Variants in SLC6A2 observed in about 807,000 individuals in gnomAD.
The protein encoded by SLC6A2 is solute carrier family 6 member 2, also known as sodium-dependent noradrenaline transporter.
In SLC6A2, 26 loss-of-function variants were observed where a neutral mutation model predicts 71.7. The ratio of observed to expected loss-of-function variants is 0.36; its 90% confidence interval spans 0.27 to 0.50. SLC6A2 has a LOEUF of 0.50. SLC6A2 is among the 20% of genes least tolerant of loss of function. The pLI is 0.96. For missense variants in SLC6A2, 581 were observed against 803.9 expected (o/e 0.72, Z 3.35); for synonymous variants, 363 against 337.9 (o/e 1.07, Z -0.82).
intron 10 of SLC6A2, 68 bp from the exon 11 acceptor site, chr16:55,698,401 C>T: frequency 1.8e-6 from 2 of 1,122,014 alleles, no homozygotes; most frequent in South Asian, 1.2e-5. Flanking sequence ...TAAGAGTTGA[C>T]AGACACAACA....
Position 55,669,559 on chromosome 16 carries a change from C to T in SLC6A2, c.275-6C>T. ...TCAGGTCACACTCTGCCCCTGTGTC[C>T]TCCAGGTGCCTTCTTGATCCCGTAC... is the stretch of plus-strand genomic sequence containing the variant. On this transcript the variant is annotated splice_region_variant and splice_polypyrimidine_tract_variant and intron_variant, in intron 2 of 14. Transcript: ENST00000568943. 1 of 1,613,982 alleles carries T rather than the reference C, an allele frequency of 6.2e-7. No homozygotes were observed. Among genetic ancestry groups the T allele is most frequent in the Non-Finnish European group, 8.5e-7 (1 of 1,179,910 alleles).
Position 55,698,041 on chromosome 16 carries a change from GCTC to G in SLC6A2, c.1389+17_1389+19del, listed in dbSNP as rs1471614249. On this transcript the variant is annotated intron_variant, in intron 10 of 14. Transcript: ENST00000568943. ...CATAACCAAGGTGAGTAGGGGCTGGGCTCTGGGTCACCTGGGGGCCTCTGAGGC... is the reference window on the plus strand; with the variant it reads ...CATAACCAAGGTGAGTAGGGGCTGGGTGGGTCACCTGGGGGCCTCTGAGGC... 6 of 1,613,976 alleles carry G rather than the reference GCTC, an allele frequency of 3.7e-6. No homozygotes were observed. The highest frequency in any genetic ancestry group is 5.1e-6 in the Non-Finnish European group (6 of 1,179,848).
intron 4 of SLC6A2, among the ~76,000 whole-genome samples, chr16:55,672,603 T>C (rs148030190): frequency 2.0e-5 from 3 of 152,128 alleles, no homozygotes; most frequent in African/African-American, 7.2e-5. Context: ...ACTGATGATG[T>C]CAGAGAAGGG....
intron 2 of SLC6A2, among the ~76,000 whole-genome samples, chr16:55,663,018 A>G (rs1964651655): frequency 6.6e-6 from 1 of 152,192 alleles, no homozygotes; most frequent in Non-Finnish European, 1.5e-5. Flanking sequence ...AGGCATTCCC[A>G]CAAGAATGCC....
intron 4 of SLC6A2, 113 bp from the exon 5 acceptor site, chr16:55,685,029 TG>T: frequency 9.8e-7 from 1 of 1,021,178 alleles, no homozygotes; most frequent in Non-Finnish European, 1.5e-6. Flanking sequence ...TAGGGGAGAG[TG>T]GCCAGGTCCT....
intron 2 of SLC6A2, among the ~76,000 whole-genome samples, chr16:55,661,438 T>C (rs888056788): frequency 2.6e-5 from 4 of 152,202 alleles, no homozygotes; most frequent in Non-Finnish European, 4.4e-5. Context: ...CAGGGTGAGA[T>C]GGCATCAGAG....
intron 9 of SLC6A2, 51 bp downstream of exon 9, chr16:55,696,388 C>T: frequency 9.2e-7 from 1 of 1,092,496 alleles, no homozygotes. Context: ...GGGCCTGACC[C>T]CCTTCCCCAA....
chr16:55,678,789 C>T (rs1177101945), intron 4 of SLC6A2, among the ~76,000 whole-genome samples: 4 of 152,166 alleles, frequency 2.6e-5, no homozygotes, highest in Non-Finnish European at 5.9e-5. Context: ...GTACACTTAA[C>T]GATGATTCAT....
intron 2 of SLC6A2, among the ~76,000 whole-genome samples, chr16:55,668,521 G>T (rs1263410978): frequency 6.6e-6 from 1 of 152,186 alleles, no homozygotes; most frequent in East Asian, 1.9e-4. Context: ...GGTAACAGGA[G>T]TTTGGATCTG....
intron 9 of SLC6A2, 60 bp from the exon 10 acceptor site, chr16:55,697,837 T>G: frequency 6.2e-7 from 1 of 1,603,408 alleles, no homozygotes; most frequent in South Asian, 1.1e-5. Context: ...CCCTGGGGCC[T>G]GAGACTGAGG....
chr16:55,656,980 G>T lies in SLC6A2; in HGVS notation c.274+12G>T. On this transcript the variant is annotated intron_variant, in intron 2 of 14. Transcript: ENST00000568943. The surrounding 1 kb of genome is among the most constrained non-coding windows in gnomAD (Gnocchi z 4.5). ...CAAGAACGGCGGCGGTGAGCGTGGG[G>T]TCGGGCTGGGAATTTGAATCTGGGA... The T allele has an allele frequency of 6.2e-6, 10 of 1,612,264 alleles. No homozygotes were observed. Among genetic ancestry groups the T allele is most frequent in the Non-Finnish European group, 8.5e-6 (10 of 1,179,192 alleles).
chr16:55,685,242 G>A lies in SLC6A2; in HGVS notation c.744G>A (p.Leu248=). The change falls in exon 5 of 15, where the codon TTG becomes TTA. Residue 248 remains leucine (L), a synonymous_variant. Coordinates refer to ENST00000568943, the MANE Select transcript of SLC6A2 (RefSeq NM_001172501.3). ...GTCTGATGGTCGTCGTCATCGTCTTGTATTTTAGCCTCTGGAAAGGGGTGA... is the reference window on the plus strand; with the variant it reads ...GTCTGATGGTCGTCGTCATCGTCTTATATTTTAGCCTCTGGAAAGGGGTGA... The part of the protein sequence containing the change: ...LLCLMVVVIV[L]YFSLWKGVKT... 1 of 1,614,180 alleles carries A rather than the reference G, an allele frequency of 6.2e-7. No individual in the cohort carries two copies. The highest frequency in any genetic ancestry group is 1.1e-5 in the South Asian group (1 of 91,080).
intron 10 of SLC6A2, 101 bp from the exon 11 acceptor site, chr16:55,698,368 G>C (rs1444065955): frequency 3.5e-6 from 3 of 863,846 alleles, no homozygotes; most frequent in African/African-American, 1.7e-5. Context: ...ATAGAGCTCC[G>C]AGCAAGTGGG....
At chr16:55,697,315 G>A (rs1221967166) in intron 9 of SLC6A2, among the ~76,000 whole-genome samples, 2 of 152,144 alleles carry the variant, frequency 1.3e-5, no homozygotes, top group South Asian at 2.1e-4. Flanking sequence ...GAGGAGAGTG[G>A]TAGCTTGCAT....
chr16:55,670,439 A>G (rs190915946), intron 3 of SLC6A2, among the ~76,000 whole-genome samples: 30 of 152,320 alleles, frequency 2.0e-4, no homozygotes, highest in Admixed American at 1.9e-3. Flanking sequence ...ATTGTCAGAA[A>G]TTCAACTCAA....
intron 2 of SLC6A2, among the ~76,000 whole-genome samples, chr16:55,661,328 C>A (rs763984976): frequency 6.6e-6 from 1 of 152,170 alleles, no homozygotes; most frequent in Non-Finnish European, 1.5e-5. Context: ...CTGAGTCTAA[C>A]TTTTGCTAGA....
At chr16:55,693,116 G>A (rs1042753910) in intron 6 of SLC6A2, among the ~76,000 whole-genome samples, 6 of 152,232 alleles carry the variant, frequency 3.9e-5, no homozygotes, top group Non-Finnish European at 7.3e-5. Context: ...GCTGGGCGCG[G>A]TGGCTCACGC....
At chr16:55,692,591 T>C (rs1965670062) in intron 6 of SLC6A2, among the ~76,000 whole-genome samples, 1 of 152,206 alleles carries the variant, frequency 6.6e-6, no homozygotes, top group African/African-American at 2.4e-5. Context: ...TGGAGTCCAG[T>C]GCAGAGCAGT....
intron 13 of SLC6A2, 103 bp downstream of exon 13, chr16:55,700,409 C>A: frequency 9.5e-7 from 1 of 1,053,404 alleles, no homozygotes; most frequent in Non-Finnish European, 1.4e-6. Context: ...CAGAAGGACA[C>A]AGACACTAGG....
Sources: allele counts gnomAD v4.1 joint callset (sites outside exome capture counted in the v4.1 genomes callset), GRCh38; gene constraint gnomAD v4.1.1; non-coding constraint Gnocchi (gnomAD v3.1); transcripts MANE v1.5; gene names NCBI Gene and HGNC (gene_info 2026-07-23, HGNC 2026-07-21).